Variants in CPQ observed in about 807,000 individuals in gnomAD.
The protein encoded by CPQ is Ser-Met dipeptidase.
CPQ carries 37 observed loss-of-function variants against 45.7 expected under a neutral mutation model. The observed-to-expected ratio is 0.81, with a 90% CI of 0.62 to 1.07. CPQ has a LOEUF of 1.07. Ranked by LOEUF, CPQ falls within the 50% of genes least tolerant of loss-of-function variation. The probability of loss-of-function intolerance (pLI) is 0.00; values close to 1 mark genes in which losing one functional copy is unlikely to be tolerated. For synonymous variants in CPQ, 186 were observed against 205.8 expected, an observed-to-expected ratio of 0.90 and a Z score of 0.82; for missense variants, 537 against 572.9, an observed-to-expected ratio of 0.94 and a Z score of 0.64.
In CPQ at chr8:96,722,777, G is replaced by A. The variant is rs182203853; in HGVS notation, c.-34-62087G>A. ...GTACTCCTCTCCGTATAGTGACTTA[G>A]AGATCCAGGCAGCTTCCATTTTGTG... On this transcript the variant is annotated intron_variant, in intron 1 of 7. Transcript: ENST00000220763. 9.8e-4 allele frequency among the ~76,000 whole-genome samples: 149 copies of A among 152,238 alleles called. 3 individuals are homozygous for A. The highest frequency in any genetic ancestry group is 3.3e-3 in the African/African-American group (138 of 41,550).
intron 6 of CPQ, among the ~76,000 whole-genome samples, chr8:97,056,937 A>G (rs917981606): frequency 1.3e-5 from 2 of 152,144 alleles, no homozygotes; most frequent in Admixed American, 6.5e-5. Context: ...CTTTGTACAT[A>G]TTCATAGAAC....
chr8:96,742,965 C>G (rs1810116745), intron 1 of CPQ, among the ~76,000 whole-genome samples: 1 of 152,084 alleles, frequency 6.6e-6, no homozygotes, highest in African/African-American at 2.4e-5. Flanking sequence ...TGGTGTTGCT[C>G]TTCTCGAGGA....
At chr8:96,913,746 T>C (rs1267134552) in intron 4 of CPQ, among the ~76,000 whole-genome samples, 1 of 152,242 alleles carries the variant, frequency 6.6e-6, no homozygotes, top group Non-Finnish European at 1.5e-5. Flanking sequence ...TATGTTATCA[T>C]TATTCAGTCT....
intron 2 of CPQ, among the ~76,000 whole-genome samples, chr8:96,804,691 C>G (rs1811056152): frequency 6.6e-6 from 1 of 151,914 alleles, no homozygotes; most frequent in Admixed American, 6.6e-5. Flanking sequence ...CTGTTACCTG[C>G]TAATGTTCCC....
At chr8:97,005,129 T>C (rs1258141684) in intron 5 of CPQ, among the ~76,000 whole-genome samples, 1 of 151,922 alleles carries the variant, frequency 6.6e-6, no homozygotes, top group Non-Finnish European at 1.5e-5. Flanking sequence ...TTGCCCAGGC[T>C]GGAGTGTGGT....
chr8:97,042,369 T>A (rs1383799569), intron 6 of CPQ, among the ~76,000 whole-genome samples: 2 of 152,100 alleles, frequency 1.3e-5, no homozygotes, highest in African/African-American at 4.8e-5. Flanking sequence ...ATTTGATTCT[T>A]CTCTCTTTTC....
intron 2 of CPQ, among the ~76,000 whole-genome samples, chr8:96,831,542 A>G (rs886972102): frequency 6.6e-6 from 1 of 152,164 alleles, no homozygotes; most frequent in Non-Finnish European, 1.5e-5. Context: ...GGCAGGCATG[A>G]ATATTCCCTT....
chr8:96,896,764 A>G (rs183692854), intron 4 of CPQ, among the ~76,000 whole-genome samples: 309 of 152,292 alleles, frequency 2.0e-3, no homozygotes, highest in Non-Finnish European at 3.7e-3. Context: ...ATATAGGAGC[A>G]TCTAATGGGA....
chr8:96,943,825 C>A (rs1482671905), intron 4 of CPQ, among the ~76,000 whole-genome samples: 2 of 152,064 alleles, frequency 1.3e-5, no homozygotes, highest in Non-Finnish European at 2.9e-5. Context: ...GGGGTTAATT[C>A]CAGGACTCTT....
intron 4 of CPQ, among the ~76,000 whole-genome samples, chr8:96,880,896 C>A (rs1169389916): frequency 2.6e-5 from 4 of 151,706 alleles, no homozygotes; most frequent in Non-Finnish European, 5.9e-5. Context: ...GTCCATATAC[C>A]CCCTGAATCT....
intron 1 of CPQ, among the ~76,000 whole-genome samples, chr8:96,688,545 T>A (rs1332411710): frequency 6.6e-6 from 1 of 152,136 alleles, no homozygotes; most frequent in Non-Finnish European, 1.5e-5. Context: ...TTTGGAAGAT[T>A]TGTAATTTTA....
chr8:96,757,299 C>T (rs1304848091), intron 1 of CPQ, among the ~76,000 whole-genome samples: 1 of 150,476 alleles, frequency 6.6e-6, no homozygotes, highest in Non-Finnish European at 1.5e-5. Flanking sequence ...TGCAGTGAGC[C>T]GAGATCACGC....
intron 7 of CPQ, among the ~76,000 whole-genome samples, chr8:97,088,631 G>A (rs1586535316): frequency 6.6e-6 from 1 of 152,290 alleles, no homozygotes; most frequent in African/African-American, 2.4e-5. Context: ...CAGTAGCTGA[G>A]GCTAATGTTT....
chr8:96,966,063 T>C lies in CPQ; in HGVS notation c.961+17T>C, dbSNP rs762708490. The C allele has an allele frequency of 6.4e-7, 1 of 1,558,002 alleles. No individual in the cohort carries two copies. Among genetic ancestry groups the C allele is most frequent in the East Asian group, 2.2e-5 (1 of 44,602 alleles). On this transcript the variant is annotated intron_variant, in intron 5 of 7. Coordinates refer to ENST00000220763, the MANE Select transcript of CPQ (RefSeq NM_016134.4). Reference sequence around the variant, plus strand: ...AAGATCTTGGTAAATATTTAGAAAATTGTTAACTAATGTGTGAGGATCTCA... The same window carrying C: ...AAGATCTTGGTAAATATTTAGAAAACTGTTAACTAATGTGTGAGGATCTCA...
intron 5 of CPQ, among the ~76,000 whole-genome samples, chr8:96,969,845 TAAAAA>T (rs1227025414): frequency 6.6e-6 from 1 of 152,026 alleles, no homozygotes; most frequent in East Asian, 1.9e-4. Flanking sequence ...AAAAAGAAAT[TAAAAA>T]GAAAAGAAAG....
At chr8:96,769,515 G>C (rs1810512366) in intron 1 of CPQ, among the ~76,000 whole-genome samples, 1 of 151,798 alleles carries the variant, frequency 6.6e-6, no homozygotes, top group Non-Finnish European at 1.5e-5. Flanking sequence ...AGCATCCTCA[G>C]CTAACAAAAG....
intron 1 of CPQ, among the ~76,000 whole-genome samples, chr8:96,650,135 G>C (rs6468514): frequency 0.58 from 88,909 of 152,136 alleles, 28,092 homozygotes; most frequent in Non-Finnish European, 0.71. Flanking sequence ...ATCTTATTCA[G>C]TTTGTCAGGA....
chr8:96,906,292 C>T (rs577452390), intron 4 of CPQ, among the ~76,000 whole-genome samples: 6 of 152,218 alleles, frequency 3.9e-5, no homozygotes, highest in Non-Finnish European at 8.8e-5. Flanking sequence ...TTACCCTTTC[C>T]AAAATCAGAG....
At chr8:96,725,982 A>C (rs1809833221) in intron 1 of CPQ, among the ~76,000 whole-genome samples, 1 of 152,202 alleles carries the variant, frequency 6.6e-6, no homozygotes, top group South Asian at 2.1e-4. Context: ...GTGAATTGAC[A>C]CAGGAACAGA....
Sources: gnomAD v4.1 joint callset for allele counts (sites outside exome capture counted in the v4.1 genomes callset) on GRCh38, gnomAD v4.1.1 for gene constraint, MANE v1.5 for transcripts, NCBI Gene and HGNC (gene_info 2026-07-23, HGNC 2026-07-21) for gene names.